The following GSE1 variants were observed in gnomAD, a reference collection of about 807,000 sequenced individuals.
GSE1 encodes the protein Gse1 coiled-coil protein, also known as genetic suppressor element 1.
GSE1 carries 32 observed loss-of-function variants against 112.6 expected under a neutral mutation model. That is an observed-to-expected ratio of 0.28 (90% confidence interval 0.21 to 0.38). The LOEUF (loss-of-function observed/expected upper bound fraction) is 0.38. Among genes scored for constraint, GSE1 ranks in the 10% least tolerant of loss-of-function variants. The pLI is 1.00. For missense variants in GSE1, 2,348 were observed against 1,699.2 expected (o/e 1.38, Z -6.71); for synonymous variants, 1,115 against 735.6 (o/e 1.52, Z -8.35).
At chr16:85,335,402 C>T (rs1312940582) in intron 1 of GSE1, among the ~76,000 whole-genome samples, 1 of 152,254 alleles carries the variant, frequency 6.6e-6, no homozygotes, top group Non-Finnish European at 1.5e-5. Context: ...TCAGCAAGAC[C>T]TTTGATCCAG....
At chr16:85,359,307 C>A in intron 2 of GSE1, 1 of 443,496 alleles carries the variant, frequency 2.3e-6, no homozygotes, top group South Asian at 1.6e-5. Context: ...GAGGAGGAGG[C>A]AGCTTGCCTG....
chr16:85,627,001 C>G (rs2049124590), intron 1 of GSE1, among the ~76,000 whole-genome samples: 1 of 141,324 alleles, frequency 7.1e-6, no homozygotes, highest in African/African-American at 2.6e-5. Flanking sequence ...GGCCAGCCAG[C>G]CTTGTCCCTC....
chr16:85,286,383 T>C (rs562438156), intron 1 of GSE1, among the ~76,000 whole-genome samples: 2 of 152,338 alleles, frequency 1.3e-5, no homozygotes, highest in Admixed American at 1.3e-4. Flanking sequence ...TCTGTGTCTT[T>C]GTGCCCGGCT....
chr16:85,262,287 T>A (rs1907778480), intron 1 of GSE1, among the ~76,000 whole-genome samples: 1 of 152,246 alleles, frequency 6.6e-6, no homozygotes, highest in Non-Finnish European at 1.5e-5. Flanking sequence ...CTCTTGTTAG[T>A]GGTTCTGCTT....
intron 2 of GSE1, among the ~76,000 whole-genome samples, chr16:85,422,158 G>C (rs968126501): frequency 1.3e-5 from 2 of 150,106 alleles, no homozygotes; most frequent in Admixed American, 1.3e-4. Flanking sequence ...ACCCCACCTC[G>C]GCCCCCTCCT....
intron 1 of GSE1, among the ~76,000 whole-genome samples, chr16:85,271,468 G>A (rs1408139161): frequency 3.3e-5 from 5 of 152,256 alleles, no homozygotes; most frequent in African/African-American, 1.2e-4. Flanking sequence ...AAGTATGAAT[G>A]TGGTTCTTGG....
chr16:85,392,029 C>T (rs1338253771), intron 2 of GSE1, among the ~76,000 whole-genome samples: 1 of 152,130 alleles, frequency 6.6e-6, no homozygotes, highest in Non-Finnish European at 1.5e-5. Flanking sequence ...CTCCTAGGGG[C>T]CCCAGCTGGC....
chr16:85,657,097 G>A (rs1204918904), intron 7 of GSE1, among the ~76,000 whole-genome samples, 180 bp from the exon 8 acceptor site: 1 of 152,184 alleles, frequency 6.6e-6, no homozygotes, highest in Non-Finnish European at 1.5e-5. Context: ...TTCCTTCCAG[G>A]GACAAGACAT....
At chr16:85,469,318 A>C (rs2050216122) in intron 2 of GSE1, among the ~76,000 whole-genome samples, 1 of 151,582 alleles carries the variant, frequency 6.6e-6, no homozygotes, top group African/African-American at 2.4e-5. Flanking sequence ...AGAAGAGGAG[A>C]AAACACAGAC....
intron 1 of GSE1, among the ~76,000 whole-genome samples, chr16:85,573,266 C>T (rs935357488): frequency 3.3e-5 from 5 of 152,158 alleles, no homozygotes; most frequent in Admixed American, 6.5e-5. Flanking sequence ...GCGGTGACTA[C>T]GGGTGCGCTG....
intron 2 of GSE1, among the ~76,000 whole-genome samples, chr16:85,484,833 T>A (rs916856483): frequency 4.6e-5 from 7 of 152,216 alleles, no homozygotes; most frequent in Non-Finnish European, 8.8e-5. Context: ...CTGCCTTACC[T>A]GTCTCCTTGG....
In GSE1 at chr16:85,591,314, T is replaced by G. The variant is rs186253785; in HGVS notation, c.37+34951T>G. Among the ~76,000 whole-genome samples, 4 of 152,250 alleles carry G rather than the reference T, an allele frequency of 2.6e-5. No individual in the cohort carries two copies. The East Asian group carries it at 7.7e-4, about 29-fold the overall frequency. Reference sequence around the variant, plus strand: ...TGTTTAACTCTAGTTTCCCCTCCAGTTGCTACCCTGTCACCCCCAGCCTGA... The same window carrying G: ...TGTTTAACTCTAGTTTCCCCTCCAGGTGCTACCCTGTCACCCCCAGCCTGA... On this transcript the variant is annotated intron_variant, in intron 1 of 2. Coordinates refer to the GSE1 transcript ENST00000635906.
intron 2 of GSE1, among the ~76,000 whole-genome samples, chr16:85,538,427 G>A (rs1309185068): frequency 6.6e-6 from 1 of 152,198 alleles, no homozygotes; most frequent in Non-Finnish European, 1.5e-5. Context: ...AAGTGTGGGG[G>A]TACTGGGGAG....
At chr16:85,382,719 A>G (rs1303211245) in intron 2 of GSE1, among the ~76,000 whole-genome samples, 1 of 151,408 alleles carries the variant, frequency 6.6e-6, no homozygotes, top group Non-Finnish European at 1.5e-5. Context: ...ACACATGCAC[A>G]CACACACACA....
chr16:85,616,176 TC>T (rs1297445512), intron 1 of GSE1, among the ~76,000 whole-genome samples: 1 of 152,182 alleles, frequency 6.6e-6, no homozygotes, highest in African/African-American at 2.4e-5. Context: ...ATTCCCCCCT[TC>T]CAACCCCTGG....
At chr16:85,509,215 A>T (rs1387653831) in intron 2 of GSE1, among the ~76,000 whole-genome samples, 2 of 152,172 alleles carry the variant, frequency 1.3e-5, no homozygotes, top group African/African-American at 4.8e-5. Context: ...GTGCACGTGG[A>T]CGCAAGGGGG....
chr16:85,591,355 C>T (rs2046995138), intron 1 of GSE1, among the ~76,000 whole-genome samples: 1 of 152,214 alleles, frequency 6.6e-6, no homozygotes, highest in African/African-American at 2.4e-5. Flanking sequence ...AACTGAGGGC[C>T]CCAACTCAGA....
At chr16:85,571,705 C>T (rs527930734) in intron 1 of GSE1, among the ~76,000 whole-genome samples, 1 of 152,182 alleles carries the variant, frequency 6.6e-6, no homozygotes, top group African/African-American at 2.4e-5. Flanking sequence ...GGGGGAGAAA[C>T]AGGTCAGAGA....
chr16:85,670,269 T>A (rs1054721911), intron 14 of GSE1, among the ~76,000 whole-genome samples: 2 of 152,214 alleles, frequency 1.3e-5, no homozygotes, highest in Non-Finnish European at 1.5e-5. Context: ...CTGATTGTCT[T>A]GTCACTCCAG....
Sources: allele counts gnomAD v4.1 joint callset (sites outside exome capture counted in the v4.1 genomes callset), GRCh38; gene constraint gnomAD v4.1.1; transcripts MANE v1.5; gene names NCBI Gene and HGNC (gene_info 2026-07-23, HGNC 2026-07-21).